The following TMEM33 variants were observed in gnomAD, a reference collection of about 807,000 sequenced individuals.
TMEM33 encodes transmembrane protein 33.
A neutral mutation model predicts 29.7 loss-of-function variants in TMEM33; 16 were observed. That is an observed-to-expected ratio of 0.54 (90% CI 0.36 to 0.82). The LOEUF (loss-of-function observed/expected upper bound fraction) is 0.82. Ranked by LOEUF, TMEM33 falls within the 40% of genes least tolerant of loss-of-function variation. The pLI, the probability that TMEM33 is intolerant of heterozygous loss-of-function variation, is 0.00. For synonymous variants in TMEM33, 112 were observed against 109.4 expected, an observed-to-expected ratio of 1.02 and a Z score of -0.15; for missense variants, 252 against 295.3, an observed-to-expected ratio of 0.85 and a Z score of 1.08.
At chr4:41,940,046 C>CTTTTTTTTT (rs71650953) in intron 3 of TMEM33, among the ~76,000 whole-genome samples, 181 of 81,394 alleles carry the variant, frequency 2.2e-3, no homozygotes, top group African/African-American at 3.9e-3. Context: ...GTTAAACTTT[C>CTTTTTTTTT]TTTTTTTTTT....
intron 6 of TMEM33, among the ~76,000 whole-genome samples, chr4:41,951,959 G>T (rs1397931420): frequency 3.9e-5 from 6 of 152,136 alleles, no homozygotes; most frequent in Admixed American, 6.5e-5. Context: ...ACATAGAGAG[G>T]CTGGGAACCC....
intron 5 of TMEM33, among the ~76,000 whole-genome samples, chr4:41,946,302 T>C (rs1399520426): frequency 6.6e-6 from 1 of 152,160 alleles, no homozygotes; most frequent in Non-Finnish European, 1.5e-5. Flanking sequence ...TTAAAATGTC[T>C]GTATTACCTG....
At chr4:41,946,379 T>TA (rs1458834546) in intron 5 of TMEM33, among the ~76,000 whole-genome samples, 3 of 152,188 alleles carry the variant, frequency 2.0e-5, no homozygotes, top group African/African-American at 7.2e-5. Context: ...TTTATAATTT[T>TA]AAATGTACCT....
intron 4 of TMEM33, chr4:41,944,076 G>GT: frequency 2.5e-6 from 1 of 403,728 alleles, no homozygotes; most frequent in Non-Finnish European, 4.4e-6. Context: ...AAATAGATCA[G>GT]TTTTTTTGAA....
chr4:41,945,461 G>A lies in TMEM33; in HGVS notation c.530+535G>A, dbSNP rs374445145. Among the ~76,000 whole-genome samples the A allele has an allele frequency of 1.2e-4, 19 of 152,226 alleles. No individual in the cohort carries two copies. The East Asian group carries it at 1.9e-3, about 15-fold the overall frequency. On this transcript the variant is annotated intron_variant, in intron 5 of 6. Coordinates refer to ENST00000504986, the MANE Select transcript of TMEM33 (RefSeq NM_018126.3). ...CAGATGATTGCTTTATCAATTTTTA[G>A]TTTTACAAGTAATGAGACATTACAG...
intron 1 of TMEM33, among the ~76,000 whole-genome samples, chr4:41,936,694 A>G (rs1238139027): frequency 6.6e-6 from 1 of 152,222 alleles, no homozygotes; most frequent in Non-Finnish European, 1.5e-5. Context: ...TATCTCAGAA[A>G]GCATGCATTC....
chr4:41,943,829 T>C lies in TMEM33; in HGVS notation c.396+15T>C, dbSNP rs751698978. 1 of 1,610,568 alleles carries C rather than the reference T, an allele frequency of 6.2e-7. No homozygotes were observed. Among genetic ancestry groups the C allele is most frequent in the Non-Finnish European group, 8.5e-7 (1 of 1,177,168 alleles). On this transcript the variant is annotated intron_variant, in intron 4 of 6. Coordinates refer to ENST00000504986, the MANE Select transcript of TMEM33 (RefSeq NM_018126.3). ...AGGTCCTTGACGTAAGTAAAACTGC[T>C]CTTTGTCTGACTTCTGAATTACAGA...
intron 6 of TMEM33, among the ~76,000 whole-genome samples, chr4:41,952,146 G>A (rs1022013795): frequency 1.3e-5 from 2 of 152,270 alleles, no homozygotes; most frequent in South Asian, 4.1e-4. Context: ...GGGCTTGAGA[G>A]AAAAGAGTAA....
Position 41,954,368 on chromosome 4 carries a change from C to A in TMEM33, c.*169C>A. The stretch of plus-strand genomic sequence containing the variant: ...CATTTTCTTGGCATGTTAAATCAAG[C>A]TTAAAAAGTTTTGAGAAAATTTTAC... On this transcript the variant is annotated 3_prime_UTR_variant, in exon 7 of 7. Transcript: ENST00000504986. 3 of 829,594 alleles carry A rather than the reference C, an allele frequency of 3.6e-6. No homozygotes were observed. The highest frequency in any genetic ancestry group is 5.2e-6 in the Non-Finnish European group (3 of 580,336). The allele number at this position is 829,594 out of a possible 1,614,324, so 51.4% of individuals were successfully genotyped here.
chr4:41,946,831 T>C (rs1712816982), intron 5 of TMEM33, among the ~76,000 whole-genome samples: 1 of 152,194 alleles, frequency 6.6e-6, no homozygotes, highest in Non-Finnish European at 1.5e-5. Flanking sequence ...GAGGAACTTT[T>C]TGCTCCCTTT....
At chr4:41,946,267 T>TAAAAACAAAAAAGAA in intron 5 of TMEM33, among the ~76,000 whole-genome samples, 1 of 152,068 alleles carries the variant, frequency 6.6e-6, no homozygotes, top group Non-Finnish European at 1.5e-5. Context: ...CCTTTTGTGT[T>TAAAAACAAAAAAGAA]TAATGGACCA....
chr4:41,936,289 C>G (rs959151436), intron 1 of TMEM33, among the ~76,000 whole-genome samples: 12 of 152,138 alleles, frequency 7.9e-5, no homozygotes, highest in African/African-American at 2.7e-4. Flanking sequence ...TCCTGTAAGC[C>G]CAGAACTTTG....
chr4:41,952,177 T>C (rs1411807311), intron 6 of TMEM33, among the ~76,000 whole-genome samples: 1 of 152,206 alleles, frequency 6.6e-6, no homozygotes, highest in Non-Finnish European at 1.5e-5. Context: ...CACAGGTTTC[T>C]GGCTTGGAAG....
chr4:41,938,780 A>T, intron 2 of TMEM33, 84 bp downstream of exon 2: 1 of 1,303,296 alleles, frequency 7.7e-7, no homozygotes. Flanking sequence ...AAGACTTATT[A>T]ACCTGTAAAG....
intron 5 of TMEM33, among the ~76,000 whole-genome samples, chr4:41,945,864 G>A (rs1283990234): frequency 6.6e-5 from 10 of 151,322 alleles, no homozygotes; most frequent in African/African-American, 2.2e-4. Context: ...CCAGCTACTC[G>A]GGAGGCTGAG....
upstream of TMEM33, chr4:41,935,417 C>T (rs1313773033): frequency 2.0e-6 from 3 of 1,524,572 alleles, no homozygotes; most frequent in Non-Finnish European, 2.7e-6. Flanking sequence ...GGCCCCAGCG[C>T]TGACGTTTTC....
In TMEM33 at chr4:41,949,374, C is replaced by T; in HGVS notation, c.603C>T (p.Asn201=). ...CCCTTCGATATTCGTCTCGAAGAAA[C>T]CCATATTGTCGGTAAGCTGATGATT... is the stretch of plus-strand genomic sequence containing the variant. ...FLTLRYSSRR[N]PYCRTLFNEL... Residue 201 remains asparagine, a synonymous_variant, in exon 6 of 7, where the codon AAC becomes AAT. Transcript: ENST00000504986. The T allele has an allele frequency of 6.2e-7, 1 of 1,608,708 alleles. No individual in the cohort carries two copies. Among genetic ancestry groups the T allele is most frequent in the Non-Finnish European group, 8.5e-7 (1 of 1,177,834 alleles).
chr4:41,946,539 A>C (rs539965024), intron 5 of TMEM33, among the ~76,000 whole-genome samples: 14 of 152,276 alleles, frequency 9.2e-5, no homozygotes, highest in Admixed American at 4.6e-4. Context: ...TGAGAACTCC[A>C]GGACTGGCTG....
intron 6 of TMEM33, among the ~76,000 whole-genome samples, chr4:41,950,943 A>G (rs893394860): frequency 1.3e-5 from 2 of 152,202 alleles, no homozygotes; most frequent in African/African-American, 4.8e-5. Context: ...TGTGCTGGTA[A>G]ACATCTTCAA....
Sources: gnomAD v4.1 joint callset for allele counts (sites outside exome capture counted in the v4.1 genomes callset) on GRCh38, gnomAD v4.1.1 for gene constraint, MANE v1.5 for transcripts, NCBI Gene and HGNC (gene_info 2026-07-23, HGNC 2026-07-21) for gene names.